The following MFN1 variants were observed in gnomAD, a reference collection of about 807,000 sequenced individuals.
The protein encoded by MFN1 is mitofusin 1.
Under a neutral mutation model 92.4 loss-of-function variants are expected in MFN1, and 65 were observed. The ratio of observed to expected loss-of-function variants is 0.70; its 90% confidence interval spans 0.58 to 0.86. The LOEUF (loss-of-function observed/expected upper bound fraction) is 0.86, where lower values mean the gene tolerates loss of function less well. Ranked by LOEUF, MFN1 falls within the 40% of genes least tolerant of loss-of-function variation. The pLI, the probability that MFN1 is intolerant of heterozygous loss-of-function variation, is 0.00. For missense variants in MFN1, 781 were observed against 868.0 expected, an observed-to-expected ratio of 0.90 and a Z score of 1.26; for synonymous variants, 297 against 300.9, an observed-to-expected ratio of 0.99 and a Z score of 0.13.
At chr3:179,355,625 C>G (rs191002999) in intron 3 of MFN1, among the ~76,000 whole-genome samples, 17 of 152,204 alleles carry the variant, frequency 1.1e-4, no homozygotes, top group Admixed American at 7.9e-4. Flanking sequence ...ACAATGACAG[C>G]ACTGGGGAGA....
At position 179,378,353 on chromosome 3, in the gene MFN1, C is replaced by A; in HGVS notation, c.1342C>A (p.His448Asn). The change falls in exon 13 of 18, where the codon CAC becomes AAC. Residue 448 changes from histidine (H) to asparagine (N), a missense_variant. Coordinates refer to ENST00000471841, the MANE Select transcript of MFN1 (RefSeq NM_033540.3). ...LKIYKSELNK[H>N]IEDGMGRNLA... ...CCATTGTTAACAGGAATTAAATAAG[C>A]ACATAGAGGATGGTATGGGAAGAAA... The A allele has an allele frequency of 6.3e-7, 1 of 1,598,018 alleles. No homozygotes were observed. The highest frequency in any genetic ancestry group is 8.5e-7 in the Non-Finnish European group (1 of 1,174,538).
Position 179,390,934 on chromosome 3 carries a change from G to C in MFN1, c.2147+796G>C, listed in dbSNP as rs554637309. The stretch of plus-strand genomic sequence containing the variant: ...CCATAGTAGTGATTATCCATCCATA[G>C]TGTCTTCATCTGACCAACAACACGT... On this transcript the variant is annotated intron_variant, in intron 17 of 17. Transcript: ENST00000471841. 7.9e-5 allele frequency among the ~76,000 whole-genome samples: 12 copies of C among 152,246 alleles called. No homozygotes were observed. The South Asian group carries it at 2.5e-3, about 32-fold the overall frequency.
At chr3:179,388,325 T>G (rs1424731603) in intron 16 of MFN1, among the ~76,000 whole-genome samples, 1 of 152,266 alleles carries the variant, frequency 6.6e-6, no homozygotes, top group Non-Finnish European at 1.5e-5. Flanking sequence ...TCATGGTGAA[T>G]GTAATGTATA....
intron 4 of MFN1, among the ~76,000 whole-genome samples, chr3:179,361,571 C>G (rs1189178444): frequency 6.7e-6 from 1 of 148,702 alleles, no homozygotes; most frequent in Non-Finnish European, 1.5e-5. Context: ...GAGTCTTGCT[C>G]TGTTGCCCAG....
intron 16 of MFN1, among the ~76,000 whole-genome samples, chr3:179,387,794 T>C (rs1027483233): frequency 2.0e-5 from 3 of 149,058 alleles, no homozygotes; most frequent in African/African-American, 7.4e-5. Context: ...AGTAGCACGA[T>C]CTCGGCTCAC....
At chr3:179,382,458 A>T (rs1237884296) in intron 14 of MFN1, among the ~76,000 whole-genome samples, 1 of 152,118 alleles carries the variant, frequency 6.6e-6, no homozygotes, top group Non-Finnish European at 1.5e-5. Flanking sequence ...CATTTTCTTA[A>T]TCCAGTCTAT....
intron 16 of MFN1, among the ~76,000 whole-genome samples, chr3:179,388,614 A>C (rs901711759): frequency 1.3e-5 from 2 of 152,210 alleles, no homozygotes; most frequent in Non-Finnish European, 2.9e-5. Context: ...TATAATACAA[A>C]GTGAGAGTGA....
chr3:179,381,044 T>C (rs1014761151), intron 14 of MFN1, among the ~76,000 whole-genome samples: 1 of 152,224 alleles, frequency 6.6e-6, no homozygotes, highest in African/African-American at 2.4e-5. Flanking sequence ...TGTTCATTCA[T>C]TAACTGATGG....
intron 10 of MFN1, among the ~76,000 whole-genome samples, chr3:179,376,490 A>G (rs756096903): frequency 1.8e-4 from 27 of 152,192 alleles, no homozygotes; most frequent in Non-Finnish European, 2.2e-4. Flanking sequence ...AATGGATCTC[A>G]GGTCTTTATT....
chr3:179,350,456 A>G lies in MFN1; in HGVS notation c.113-1444A>G, dbSNP rs114122899. Among the ~76,000 whole-genome samples, 451 of 151,650 alleles carry G rather than the reference A, an allele frequency of 3.0e-3. 5 individuals carry two copies. The highest frequency in any genetic ancestry group is 0.011 in the African/African-American group (443 of 41,370). On this transcript the variant is annotated intron_variant, in intron 2 of 17. Transcript: ENST00000471841. ...CTGGCACAGTTGACTTTTTAAAAAT[A>G]TTTTTTTTTCTAAAAATAATAGGAA...
At chr3:179,380,077 G>A (rs1365736194) in intron 14 of MFN1, among the ~76,000 whole-genome samples, 2 of 152,202 alleles carry the variant, frequency 1.3e-5, no homozygotes, top group Non-Finnish European at 2.9e-5. Context: ...GGAACTGTGA[G>A]TATTCAATAG....
intron 3 of MFN1, among the ~76,000 whole-genome samples, chr3:179,357,290 C>T (rs1264350106): frequency 6.6e-6 from 1 of 152,188 alleles, no homozygotes; most frequent in African/African-American, 2.4e-5. Flanking sequence ...TATTAATGAG[C>T]TACAGCCATA....
At position 179,367,294 on chromosome 3, in the gene MFN1, T is replaced by G. The variant is rs1242309484; in HGVS notation, c.754-145T>G. 3 of 601,472 alleles carry G rather than the reference T, an allele frequency of 5.0e-6. No homozygotes were observed. In the African/African-American group the frequency reaches 5.8e-5, roughly 12 times the overall value. 37.3% of individuals were successfully genotyped at this position (601,472 alleles called of 1,614,324 possible). On this transcript the variant is annotated intron_variant, in intron 7 of 17. Transcript: ENST00000471841. ...GATTTCCTGTCATCAAGTATCAAACTTCATTTATTAGAATTTCTTAAATTC... is the reference window on the plus strand; with the variant it reads ...GATTTCCTGTCATCAAGTATCAAACGTCATTTATTAGAATTTCTTAAATTC...
intron 14 of MFN1, among the ~76,000 whole-genome samples, chr3:179,380,163 A>G (rs1212851787): frequency 2.0e-5 from 3 of 152,230 alleles, no homozygotes; most frequent in Non-Finnish European, 2.9e-5. Flanking sequence ...CTTGATCACA[A>G]AACAGCAGAG....
intron 3 of MFN1, among the ~76,000 whole-genome samples, chr3:179,353,099 G>GT (rs1268274617): frequency 6.9e-6 from 1 of 144,110 alleles, no homozygotes; most frequent in Non-Finnish European, 1.5e-5. Flanking sequence ...CCGTTGCCAG[G>GT]TTGGAGTGCA....
intron 17 of MFN1, 84 bp from the exon 18 acceptor site, chr3:179,391,897 T>G: frequency 1.2e-6 from 1 of 819,738 alleles, no homozygotes; most frequent in Non-Finnish European, 2.0e-6. Context: ...ATTATTAAAG[T>G]TTTTGTCTTT....
chr3:179,376,471 ATCT>A (rs1713245699), intron 10 of MFN1, among the ~76,000 whole-genome samples: 1 of 152,176 alleles, frequency 6.6e-6, no homozygotes, highest in Admixed American at 6.5e-5. Context: ...TAAGTAAAAG[ATCT>A]TCTTAAATGG....
At chr3:179,369,721 G>C (rs939949966) in intron 9 of MFN1, among the ~76,000 whole-genome samples, 3 of 152,064 alleles carry the variant, frequency 2.0e-5, no homozygotes, top group Admixed American at 6.6e-5. Flanking sequence ...GGTTGGGGTT[G>C]GTCTAGGAAT....
In MFN1 at chr3:179,362,468, G is replaced by A; in HGVS notation, c.522G>A (p.Leu174=). The A allele has an allele frequency of 1.2e-6, 2 of 1,613,054 alleles. No individual in the cohort carries two copies. The highest frequency in any genetic ancestry group is 1.1e-5 in the South Asian group (1 of 90,810). ...KAKCALLRDD[L]VLVDSPGTDV... is the part of the protein sequence containing the mutation. The stretch of plus-strand genomic sequence containing the variant: ...AATGTGCCCTCTTGAGAGATGACCT[G>A]GTGTTAGTAGACAGGTAAAATTACA... The change falls in exon 5 of 18, where the codon CTG becomes CTA. Residue 174 remains leucine, a synonymous_variant. Coordinates refer to ENST00000471841, the MANE Select transcript of MFN1 (RefSeq NM_033540.3).
Sources: gnomAD v4.1 joint callset for allele counts (sites outside exome capture counted in the v4.1 genomes callset) on GRCh38, gnomAD v4.1.1 for gene constraint, MANE v1.5 for transcripts, NCBI Gene and HGNC (gene_info 2026-07-23, HGNC 2026-07-21) for gene names.